Variants in LRMDA observed in about 807,000 individuals in gnomAD.
The protein encoded by LRMDA is leucine rich melanocyte differentiation associated, also known as leucine-rich melanocyte differentiation-associated protein.
Under a neutral mutation model 29.8 loss-of-function variants are expected in LRMDA, and 18 were observed. That is an observed-to-expected ratio of 0.60 (90% CI 0.42 to 0.90). The LOEUF (loss-of-function observed/expected upper bound fraction) is 0.90, where lower values mean the gene tolerates loss of function less well. Among genes scored for constraint, LRMDA ranks in the 40% least tolerant of loss-of-function variants. The pLI is 0.00. For missense variants in LRMDA, 273 were observed against 273.9 expected (o/e 1.00, Z 0.02); for synonymous variants, 125 against 109.4 (o/e 1.14, Z -0.89).
intron 5 of LRMDA, among the ~76,000 whole-genome samples, chr10:76,238,531 C>A (rs1852205420): frequency 7.4e-6 from 1 of 135,914 alleles, no homozygotes; most frequent in African/African-American, 2.7e-5. Flanking sequence ...TATTGCATAT[C>A]TGTTATTTAC....
intron 4 of LRMDA, among the ~76,000 whole-genome samples, chr10:76,055,148 A>G (rs1442113771): frequency 6.6e-6 from 1 of 150,702 alleles, no homozygotes; most frequent in African/African-American, 2.4e-5. Context: ...GTTTTGTGGC[A>G]CTTTCTTGAT....
chr10:75,719,197 A>G (rs1227015511), intron 2 of LRMDA, among the ~76,000 whole-genome samples: 1 of 152,232 alleles, frequency 6.6e-6, no homozygotes, highest in East Asian at 1.9e-4. Context: ...TGCCATATGT[A>G]CTACTGAGTT....
At chr10:76,274,024 A>G (rs1287317919) in intron 5 of LRMDA, among the ~76,000 whole-genome samples, 1 of 152,110 alleles carries the variant, frequency 6.6e-6, no homozygotes, top group Non-Finnish European at 1.5e-5. Context: ...ATTTCTAAAC[A>G]TTTGAAGATA....
chr10:75,674,752 C>A (rs1564536965), intron 2 of LRMDA, among the ~76,000 whole-genome samples: 1 of 152,044 alleles, frequency 6.6e-6, no homozygotes, highest in Non-Finnish European at 1.5e-5. Context: ...ATTAATTCTG[C>A]AGAGTAGCAG....
intron 6 of LRMDA, among the ~76,000 whole-genome samples, chr10:76,463,647 G>A (rs1261095818): frequency 6.6e-6 from 1 of 152,210 alleles, no homozygotes; most frequent in East Asian, 1.9e-4. Flanking sequence ...GGCGGTGGCA[G>A]GGGAGGGGGG....
intron 2 of LRMDA, among the ~76,000 whole-genome samples, chr10:75,717,196 C>T (rs1842511684): frequency 6.6e-6 from 1 of 152,148 alleles, no homozygotes; most frequent in African/African-American, 2.4e-5. Context: ...TAGTGGAGCT[C>T]AGCTGAAGCC....
intron 2 of LRMDA, among the ~76,000 whole-genome samples, chr10:75,922,342 A>G (rs1385811584): frequency 1.3e-5 from 2 of 152,186 alleles, no homozygotes; most frequent in Non-Finnish European, 2.9e-5. Context: ...CTTCCTTGAC[A>G]TATCAGAATG....
In LRMDA at chr10:75,880,014, G is replaced by A. The variant is rs76462456; in HGVS notation, c.132-155994G>A. ...TTTCCATGATGTTAGCAATATTCTC[G>A]TAGATTTATGCAGTAGGTATAATAT... On this transcript the variant is annotated intron_variant, in intron 2 of 6. Coordinates refer to ENST00000611255, the MANE Select transcript of LRMDA (RefSeq NM_001305581.2). 6.1e-3 allele frequency among the ~76,000 whole-genome samples: 923 copies of A among 152,188 alleles called. 11 individuals are homozygous for A. The highest frequency in any genetic ancestry group is 0.02 in the African/African-American group (844 of 41,512).
In LRMDA at chr10:76,055,123, G is replaced by T. The variant is rs181305762; in HGVS notation, c.399-3543G>T. Among the ~76,000 whole-genome samples, 322 of 147,394 alleles carry T rather than the reference G, an allele frequency of 2.2e-3. 6 individuals carry two copies. In the South Asian group the frequency reaches 0.03, roughly 14 times the overall value. On this transcript the variant is annotated intron_variant, in intron 4 of 6. Coordinates refer to ENST00000611255, the MANE Select transcript of LRMDA (RefSeq NM_001305581.2). ...AAAGAAAAGAAAGAAACAAAGAAAG[G>T]AAAGATATTTGGGTGTTTTGTGGCA...
At chr10:76,000,466 C>G (rs755472522) in intron 2 of LRMDA, among the ~76,000 whole-genome samples, 12 of 152,118 alleles carry the variant, frequency 7.9e-5, no homozygotes, top group Non-Finnish European at 1.3e-4. Flanking sequence ...ATGGAGAAGT[C>G]CCCTGAACAA....
At chr10:75,460,420 A>G (rs1844571637) in intron 2 of LRMDA, among the ~76,000 whole-genome samples, 1 of 152,204 alleles carries the variant, frequency 6.6e-6, no homozygotes, top group Non-Finnish European at 1.5e-5. Flanking sequence ...CTAGGGTTCC[A>G]TGGAACACAG....
At chr10:75,636,845 C>CA (rs1019455800) in intron 2 of LRMDA, among the ~76,000 whole-genome samples, 3 of 145,196 alleles carry the variant, frequency 2.1e-5, no homozygotes, top group African/African-American at 7.6e-5. Context: ...TTGGCAAAGA[C>CA]TTTTTTTTTT....
At chr10:76,091,315 G>C (rs926898258) in intron 5 of LRMDA, among the ~76,000 whole-genome samples, 2 of 128,176 alleles carry the variant, frequency 1.6e-5, no homozygotes, top group Admixed American at 7.7e-5. Context: ...GTGTGTGTGT[G>C]TGTCTGTGTG....
intron 5 of LRMDA, among the ~76,000 whole-genome samples, chr10:76,086,864 A>G (rs1171314099): frequency 6.6e-6 from 1 of 152,182 alleles, no homozygotes; most frequent in African/African-American, 2.4e-5. Context: ...ATTTAGCAAA[A>G]TGAGATTGCA....
intron 6 of LRMDA, among the ~76,000 whole-genome samples, chr10:76,363,177 G>GAAAGAGA (rs1314060766): frequency 9.0e-5 from 1 of 11,058 alleles, no homozygotes; most frequent in African/African-American, 3.9e-4. Context: ...AAGAAAGAAA[G>GAAAGAGA]GAGGGAGGGA....
In LRMDA at chr10:75,431,769, G is replaced by A. The variant is rs917327471; in HGVS notation, c.30+15G>A. The A allele has an allele frequency of 7.4e-7, 1 of 1,359,514 alleles. No individual in the cohort carries two copies. The highest frequency in any genetic ancestry group is 1.5e-5 in the African/African-American group (1 of 67,026). The allele number at this position is 1,359,514 out of a possible 1,614,324, so 84.2% of individuals were successfully genotyped here. A position where few individuals can be genotyped will look rare whatever the true frequency, so the allele number is the denominator to read the frequency against. On this transcript the variant is annotated intron_variant, in intron 1 of 6. Transcript: ENST00000611255. Reference sequence around the variant, plus strand: ...GTGGAACTCAAGTAAGTCCCGGCCAGCCCCGCCTCCGCCCGGGGCGCAGTC... The same window carrying A: ...GTGGAACTCAAGTAAGTCCCGGCCAACCCCGCCTCCGCCCGGGGCGCAGTC...
chr10:75,579,119 CAATG>C (rs1394994618), intron 2 of LRMDA, among the ~76,000 whole-genome samples: 1 of 152,110 alleles, frequency 6.6e-6, no homozygotes, highest in African/African-American at 2.4e-5. Context: ...TCAAAAAAAT[CAATG>C]AATCCAGGAG....
chr10:75,733,528 A>G (rs537486238), intron 2 of LRMDA, among the ~76,000 whole-genome samples: 69 of 152,202 alleles, frequency 4.5e-4, no homozygotes, highest in Non-Finnish European at 8.1e-4. Flanking sequence ...TATGAGTGCC[A>G]CAGGTTGACT....
intron 6 of LRMDA, among the ~76,000 whole-genome samples, chr10:76,532,830 G>A (rs1843248808): frequency 6.6e-6 from 1 of 152,024 alleles, no homozygotes; most frequent in Admixed American, 6.6e-5. Flanking sequence ...TCTTTTGATT[G>A]GGAAAACCAA....
Sources: gnomAD v4.1 joint callset for allele counts (sites outside exome capture counted in the v4.1 genomes callset) on GRCh38, gnomAD v4.1.1 for gene constraint, MANE v1.5 for transcripts, NCBI Gene and HGNC (gene_info 2026-07-23, HGNC 2026-07-21) for gene names.